Variants in UBE2D2 observed in about 807,000 individuals in gnomAD.
UBE2D2 encodes the protein ubiquitin-conjugating enzyme E2 D2.
In UBE2D2, 2 loss-of-function variants were observed where a neutral mutation model predicts 24.2. The observed-to-expected ratio is 0.08, with a 90% CI of 0.03 to 0.26. The LOEUF is 0.26. UBE2D2 is among the 10% of genes least tolerant of loss of function. The pLI is 1.00. For missense variants in UBE2D2, 44 were observed against 177.6 expected, an observed-to-expected ratio of 0.25 and a Z score of 4.28; for synonymous variants, 58 against 56.5, an observed-to-expected ratio of 1.03 and a Z score of -0.12.
At position 139,596,538 on chromosome 5, in the gene UBE2D2, C is replaced by A. The variant is rs538407070; in HGVS notation, c.25-3834C>A. ...CGAAGTCCTGACCTTGTGATCCACC[C>A]GCCTTGGCCTCCCAAAGTGCTGGGA... On this transcript the variant is annotated intron_variant, in intron 1 of 6. Transcript: ENST00000398733. 3.8e-3 allele frequency among the ~76,000 whole-genome samples: 574 copies of A among 151,964 alleles called. 4 individuals are homozygous for A. The highest frequency in any genetic ancestry group is 0.013 in the African/African-American group (540 of 41,500).
chr5:139,582,968 CT>C (rs1199529257), intron 1 of UBE2D2, among the ~76,000 whole-genome samples: 2 of 147,920 alleles, frequency 1.4e-5, no homozygotes, highest in Middle Eastern at 3.6e-3. Context: ...CTGCGCCCGG[CT>C]TTTTTTTCTT....
intron 1 of UBE2D2, among the ~76,000 whole-genome samples, chr5:139,544,206 G>A (rs191471354): frequency 2.5e-4 from 36 of 143,796 alleles, no homozygotes; most frequent in African/African-American, 8.6e-4. Flanking sequence ...GTCTTGAGAC[G>A]TTACCCAGGC....
chr5:139,537,224 A>G (rs1752695914), intron 1 of UBE2D2, among the ~76,000 whole-genome samples: 1 of 151,838 alleles, frequency 6.6e-6, no homozygotes, highest in Non-Finnish European at 1.5e-5. Context: ...TACCCTTAAT[A>G]TGCTCAAATA....
At chr5:139,548,573 G>T (rs1752867774) in intron 1 of UBE2D2, among the ~76,000 whole-genome samples, 1 of 152,082 alleles carries the variant, frequency 6.6e-6, no homozygotes. Context: ...TTGGCTAGGA[G>T]CAGTCTTTTA....
chr5:139,567,607 C>T (rs1280035534), intron 1 of UBE2D2, among the ~76,000 whole-genome samples: 2 of 147,720 alleles, frequency 1.4e-5, no homozygotes, highest in African/African-American at 2.5e-5. Flanking sequence ...AATCTCGGCT[C>T]ACTGCAAGCT....
At chr5:139,551,947 C>A (rs1280219692) in intron 1 of UBE2D2, among the ~76,000 whole-genome samples, 1 of 152,136 alleles carries the variant, frequency 6.6e-6, no homozygotes, top group Non-Finnish European at 1.5e-5. Flanking sequence ...CAGATCCCAA[C>A]AATAGAATAA....
At chr5:139,617,779 A>G (rs1332302765) in intron 5 of UBE2D2, among the ~76,000 whole-genome samples, 1 of 151,906 alleles carries the variant, frequency 6.6e-6, no homozygotes, top group East Asian at 1.9e-4. Flanking sequence ...CAGTTTTTTC[A>G]TCTGTAGAAA....
chr5:139,547,177 G>T (rs574239100), intron 1 of UBE2D2, among the ~76,000 whole-genome samples: 2 of 151,938 alleles, frequency 1.3e-5, no homozygotes, highest in Admixed American at 1.3e-4. Flanking sequence ...TGTAGTCCCA[G>T]CTACACGGGA....
chr5:139,526,975 A>T (rs1172093355), intron 1 of UBE2D2, among the ~76,000 whole-genome samples: 1 of 152,128 alleles, frequency 6.6e-6, no homozygotes, highest in African/African-American at 2.4e-5. Flanking sequence ...TGTGGTGAGT[A>T]TGTGTGGTGT....
At chr5:139,581,727 G>A (rs1753607824) in intron 1 of UBE2D2, among the ~76,000 whole-genome samples, 1 of 152,060 alleles carries the variant, frequency 6.6e-6, no homozygotes, top group Non-Finnish European at 1.5e-5. Flanking sequence ...GGAGTGCAGT[G>A]GTGCAGTCTT....
intron 1 of UBE2D2, among the ~76,000 whole-genome samples, chr5:139,595,872 T>G (rs1338332425): frequency 3.4e-5 from 5 of 145,390 alleles, no homozygotes; most frequent in South Asian, 2.2e-4. Flanking sequence ...TTCTTGTGGG[T>G]TTTTTTTTTG....
At chr5:139,578,418 A>G (rs917556404) in intron 1 of UBE2D2, among the ~76,000 whole-genome samples, 2 of 149,708 alleles carry the variant, frequency 1.3e-5, no homozygotes, top group Non-Finnish European at 3.0e-5. Context: ...AAAATTCTAA[A>G]CTTCTGTTTT....
At chr5:139,573,657 G>C (rs1753400686) in intron 1 of UBE2D2, among the ~76,000 whole-genome samples, 1 of 151,970 alleles carries the variant, frequency 6.6e-6, no homozygotes. Context: ...GGAATCAAAG[G>C]ACTCTGCTTT....
chr5:139,563,280 G>C (rs1753148449), intron 1 of UBE2D2, among the ~76,000 whole-genome samples: 1 of 152,112 alleles, frequency 6.6e-6, no homozygotes, highest in South Asian at 2.1e-4. Flanking sequence ...AGTCCCATTG[G>C]TTACTATAAT....
chr5:139,586,488 G>T (rs1451386579), intron 1 of UBE2D2, among the ~76,000 whole-genome samples: 1 of 152,074 alleles, frequency 6.6e-6, no homozygotes, highest in African/African-American at 2.4e-5. Flanking sequence ...TTCTTAGGCT[G>T]GACACAGTGG....
chr5:139,558,031 G>A (rs1427326757), upstream of UBE2D2, among the ~76,000 whole-genome samples: 1 of 151,800 alleles, frequency 6.6e-6, no homozygotes, highest in Non-Finnish European at 1.5e-5. Context: ...GCCAGGAGTT[G>A]GAGGCTGACG....
chr5:139,552,993 A>G (rs1156353607), intron 1 of UBE2D2, among the ~76,000 whole-genome samples: 1 of 151,848 alleles, frequency 6.6e-6, no homozygotes, highest in African/African-American at 2.4e-5. Flanking sequence ...CTAATTTTGT[A>G]TTTTTAGTAG....
chr5:139,530,296 C>T (rs1336423545), intron 1 of UBE2D2, among the ~76,000 whole-genome samples: 1 of 152,158 alleles, frequency 6.6e-6, no homozygotes, highest in African/African-American at 2.4e-5. Context: ...CTGATCAGGA[C>T]AGGTAGCTGT....
intron 2 of UBE2D2, chr5:139,611,979 T>A (rs1237141397): frequency 1.3e-5 from 2 of 149,396 alleles, no homozygotes; most frequent in African/African-American, 2.5e-5. Flanking sequence ...TTTTTTTTTT[T>A]GAACATGAAA....
Sources: allele counts gnomAD v4.1 joint callset (sites outside exome capture counted in the v4.1 genomes callset), GRCh38; gene constraint gnomAD v4.1.1; transcripts MANE v1.5; gene names NCBI Gene and HGNC (gene_info 2026-07-23, HGNC 2026-07-21).